Variants in KLHL2 observed in about 807,000 individuals in gnomAD.
KLHL2 encodes kelch-like protein 2.
Under a neutral mutation model 75.8 loss-of-function variants are expected in KLHL2, and 15 were observed. The observed-to-expected ratio is 0.20, with a 90% CI of 0.13 to 0.30. The LOEUF is 0.30. KLHL2 is among the 10% of genes least tolerant of loss of function. The probability of loss-of-function intolerance (pLI) is 1.00; values close to 1 mark genes in which losing one functional copy is unlikely to be tolerated. For synonymous variants in KLHL2, 214 were observed against 251.9 expected, an observed-to-expected ratio of 0.85 and a Z score of 1.42; for missense variants, 381 against 741.0, an observed-to-expected ratio of 0.51 and a Z score of 5.64.
At chr4:165,241,398 G>C (rs182102564) in intron 4 of KLHL2, among the ~76,000 whole-genome samples, 1 of 152,270 alleles carries the variant, frequency 6.6e-6, no homozygotes, top group Admixed American at 6.5e-5. Flanking sequence ...CCACCTTAAA[G>C]AAGAAGGTGT....
chr4:165,223,226 A>T (rs1026376765), intron 2 of KLHL2, among the ~76,000 whole-genome samples: 15 of 152,252 alleles, frequency 9.9e-5, no homozygotes, highest in African/African-American at 3.4e-4. Context: ...TAATCAGCTA[A>T]TATGCCTGAA....
intron 14 of KLHL2, among the ~76,000 whole-genome samples, chr4:165,320,040 G>C (rs925361050): frequency 6.6e-6 from 1 of 152,166 alleles, no homozygotes; most frequent in Non-Finnish European, 1.5e-5. Flanking sequence ...CAAGATAACA[G>C]GAGAACACTT....
At chr4:165,281,309 C>CTCT (rs554085206) in intron 5 of KLHL2, among the ~76,000 whole-genome samples, 1,422 of 139,576 alleles carry the variant, frequency 0.01, 24 homozygotes, top group African/African-American at 0.034. Context: ...CTCTCTCTCT[C>CTCT]TTTTTTTTTT....
rs1292607608 is a variant in KLHL2, at chr4:165,235,905, T to C, written c.260-2873T>C. Among the ~76,000 whole-genome samples, 3 of 152,274 alleles carry C rather than the reference T, an allele frequency of 2.0e-5. No individual in the cohort carries two copies. The South Asian group carries it at 6.2e-4, about 32-fold the overall frequency. ...GCTTCTCAATAATGTATTTCAAGTT[T>C]AGAAATAGCGGGAGGAGAGAGAGAA... On this transcript the variant is annotated intron_variant, in intron 3 of 14. Transcript: ENST00000226725.
intron 5 of KLHL2, among the ~76,000 whole-genome samples, chr4:165,283,251 A>G (rs1395050450): frequency 1.3e-5 from 2 of 152,202 alleles, no homozygotes; most frequent in East Asian, 1.9e-4. Flanking sequence ...TGCCTTCCCA[A>G]CAGTCCCCCA....
chr4:165,262,820 C>A (rs1369389633), intron 4 of KLHL2, among the ~76,000 whole-genome samples: 1 of 152,138 alleles, frequency 6.6e-6, no homozygotes, highest in African/African-American at 2.4e-5. Context: ...CTCAAGCGAT[C>A]CTCCTGTCTT....
intron 5 of KLHL2, among the ~76,000 whole-genome samples, chr4:165,276,385 T>A (rs1252879001): frequency 6.6e-6 from 1 of 152,156 alleles, no homozygotes; most frequent in Admixed American, 6.5e-5. Context: ...AATGAAACTT[T>A]GTGTTTCCCC....
At chr4:165,320,836 T>C (rs1746920413) in intron 14 of KLHL2, among the ~76,000 whole-genome samples, 1 of 152,176 alleles carries the variant, frequency 6.6e-6, no homozygotes, top group African/African-American at 2.4e-5. Context: ...TAAAGGTTGA[T>C]GGTGAAGGGT....
At chr4:165,299,083 G>A (rs1002666044) in intron 7 of KLHL2, among the ~76,000 whole-genome samples, 1 of 151,848 alleles carries the variant, frequency 6.6e-6, no homozygotes, top group Non-Finnish European at 1.5e-5. Context: ...TATTTTACTT[G>A]CCCACTTGTG....
chr4:165,281,082 A>G (rs1258510317), intron 5 of KLHL2, among the ~76,000 whole-genome samples: 5 of 152,290 alleles, frequency 3.3e-5, no homozygotes, highest in Admixed American at 1.3e-4. Flanking sequence ...TTTTGCCCTC[A>G]CTATTCAAAT....
At chr4:165,243,093 G>A (rs888206765) in intron 4 of KLHL2, among the ~76,000 whole-genome samples, 36 of 149,904 alleles carry the variant, frequency 2.4e-4, no homozygotes, top group Non-Finnish European at 4.0e-4. Context: ...AAATGTAAAT[G>A]TCTTTATAAC....
Position 165,313,372 on chromosome 4 carries a change from T to C in KLHL2, c.1468+6T>C, listed in dbSNP as rs780829218. ...CACCAGGCGGAGTGGAGCAGGTACA[T>C]GTGAACCTGTTTTAGCAACTGAAGC... On this transcript the variant is annotated splice_donor_region_variant and intron_variant, in intron 12 of 14. Transcript: ENST00000226725. 2.7e-6 allele frequency: 4 copies of C among 1,486,032 alleles called. No individual in the cohort carries two copies. Among genetic ancestry groups the C allele is most frequent in the Non-Finnish European group, 3.6e-6 (4 of 1,119,158 alleles). The allele number at this position is 1,486,032 out of a possible 1,614,324, so 92.1% of individuals were successfully genotyped here. A position where few individuals can be genotyped will look rare whatever the true frequency, so the allele number is the denominator to read the frequency against.
intron 6 of KLHL2, among the ~76,000 whole-genome samples, chr4:165,295,818 C>T (rs1490311142): frequency 1.3e-5 from 2 of 152,058 alleles, no homozygotes; most frequent in African/African-American, 4.8e-5. Context: ...GAATATGAGA[C>T]ATTGGTGGAA....
At position 165,228,931 on chromosome 4, in the gene KLHL2, T is replaced by TA. The variant is rs1738664511; in HGVS notation, c.259+19dup. On this transcript the variant is annotated intron_variant, in intron 3 of 14. Transcript: ENST00000226725. ...GTTTACAGGTATGAAATATTTTAGT[T>TA]ATAGGCATTTTAAAAAATGTATTCA... 6.6e-7 allele frequency: 1 copy of TA among 1,504,434 alleles called. No homozygotes were observed. Among genetic ancestry groups the TA allele is most frequent in the African/African-American group, 1.4e-5 (1 of 72,754 alleles). The allele number at this position is 1,504,434 out of a possible 1,614,324, so 93.2% of individuals were successfully genotyped here.
intron 5 of KLHL2, among the ~76,000 whole-genome samples, chr4:165,280,076 C>T (rs1330725769): frequency 6.6e-6 from 1 of 152,160 alleles, no homozygotes; most frequent in African/African-American, 2.4e-5. Flanking sequence ...TGTGTGCCTT[C>T]TCATTCTCTT....
rs370656937 is a variant in KLHL2 at position 165,299,492 on chromosome 4, G to A, written c.772-15G>A. ...AGCCCTACCCTCAGTGGGTGTGTCT[G>A]ATTTCTTGTTACAGAGGGTTGAAGA... On this transcript the variant is annotated splice_polypyrimidine_tract_variant and intron_variant, in intron 7 of 14. Transcript: ENST00000226725. The A allele has an allele frequency of 2.2e-5, 35 of 1,596,010 alleles. No individual in the cohort carries two copies. The African/African-American group carries it at 4.3e-4, about 20-fold the overall frequency.
At chr4:165,281,019 T>C in intron 5 of KLHL2, among the ~76,000 whole-genome samples, 1 of 152,240 alleles carries the variant, frequency 6.6e-6, no homozygotes, top group Non-Finnish European at 1.5e-5. Context: ...AAAAACACTT[T>C]GTCTGTTAGG....
At chr4:165,310,304 G>T (rs973403915) in intron 9 of KLHL2, among the ~76,000 whole-genome samples, 8 of 152,166 alleles carry the variant, frequency 5.3e-5, no homozygotes, top group African/African-American at 9.7e-5. Flanking sequence ...CAGCCTGGGC[G>T]ACAGAGTGAG....
chr4:165,207,946 G>T lies in KLHL2; in HGVS notation c.26+44G>T. On this transcript the variant is annotated intron_variant, in intron 1 of 14. Transcript: ENST00000226725. This position sits in a 1 kb window ranked among gnomAD's most constrained non-coding sequence, Gnocchi z 4.2. The stretch of plus-strand genomic sequence containing the variant: ...GGGCTGCGCCGCTGCGGATAAGCGC[G>T]CCGCTGCGGCGCGTGTCGCCGGCCG... 7.7e-7 allele frequency: 1 copy of T among 1,301,174 alleles called. No homozygotes were observed. 80.6% of individuals were successfully genotyped at this position (1,301,174 alleles called of 1,614,324 possible).
Sources: gnomAD v4.1 joint callset for allele counts (sites outside exome capture counted in the v4.1 genomes callset) on GRCh38, gnomAD v4.1.1 for gene constraint, Gnocchi (gnomAD v3.1) non-coding constraint, MANE v1.5 for transcripts, NCBI Gene and HGNC (gene_info 2026-07-23, HGNC 2026-07-21) for gene names.